Variants in TMEM123 observed in about 807,000 individuals in gnomAD.
The protein encoded by TMEM123 is porimin.
A neutral mutation model predicts 19.7 loss-of-function variants in TMEM123; 16 were observed. The observed-to-expected ratio is 0.81, with a 90% confidence interval of 0.55 to 1.23. TMEM123 has a LOEUF of 1.23. Ranked by LOEUF, TMEM123 falls within the 50% of genes most tolerant of loss-of-function variation. TMEM123 has a pLI of 0.00. For missense variants in TMEM123, 313 were observed against 257.8 expected (o/e 1.21, Z -1.47); for synonymous variants, 118 against 99.4 (o/e 1.19, Z -1.12).
intron 2 of TMEM123, among the ~76,000 whole-genome samples, chr11:102,416,604 T>C (rs1286336095): frequency 6.6e-6 from 1 of 151,920 alleles, no homozygotes; most frequent in African/African-American, 2.4e-5. Context: ...AAATATAAAA[T>C]TATTCCAAAA....
intron 2 of TMEM123, among the ~76,000 whole-genome samples, chr11:102,418,625 T>C (rs185199090): frequency 6.6e-6 from 1 of 152,200 alleles, no homozygotes; most frequent in Non-Finnish European, 1.5e-5. Flanking sequence ...GAACTTACAA[T>C]AGAACTACCA....
chr11:102,448,102 T>C, intron 2 of TMEM123: 1 of 393,074 alleles, frequency 2.5e-6, no homozygotes, highest in South Asian at 1.9e-5. Context: ...AGTCCATAAA[T>C]ATTCCCTGAC....
chr11:102,436,307 C>A (rs1001690340), intron 2 of TMEM123, among the ~76,000 whole-genome samples: 1 of 151,818 alleles, frequency 6.6e-6, no homozygotes. Flanking sequence ...GGACTACAGG[C>A]GTGCATCACC....
At chr11:102,406,921 G>C (rs902653511) in intron 2 of TMEM123, among the ~76,000 whole-genome samples, 1 of 151,962 alleles carries the variant, frequency 6.6e-6, no homozygotes, top group Non-Finnish European at 1.5e-5. Flanking sequence ...TTAGAGAGGG[G>C]GAGGTCACCA....
intron 2 of TMEM123, among the ~76,000 whole-genome samples, chr11:102,411,152 C>T (rs1237376151): frequency 1.3e-5 from 2 of 152,130 alleles, no homozygotes; most frequent in African/African-American, 4.8e-5. Context: ...ATGGGCTCCT[C>T]ACCAGAAATA....
intron 4 of TMEM123, among the ~76,000 whole-genome samples, chr11:102,400,013 AG>A (rs879714596): frequency 0.02 from 2,983 of 152,306 alleles, no homozygotes; most frequent in Non-Finnish European, 0.033. Context: ...TTTTTGTTTA[AG>A]TATTAGTAAT....
chr11:102,426,628 A>C (rs772896867), intron 2 of TMEM123, among the ~76,000 whole-genome samples: 25 of 152,098 alleles, frequency 1.6e-4, no homozygotes, highest in Non-Finnish European at 3.2e-4. Context: ...ATCTAAGAGC[A>C]ATTTCTTTAC....
At position 102,398,915 on chromosome 11, in the gene TMEM123, T is replaced by A. The variant is rs1335031241; in HGVS notation, c.603-24A>T. On this transcript the variant is annotated intron_variant, in intron 4 of 4. Coordinates refer to ENST00000398136, the MANE Select transcript of TMEM123 (RefSeq NM_052932.3). ...CTCTGTAATATATTAAAAGTTACAA[T>A]TACTTTGTTTTGTTTTTTCTGTCAA... The A allele has an allele frequency of 4.4e-6, 7 of 1,597,728 alleles. No individual in the cohort carries two copies. In the African/African-American group the frequency reaches 8.1e-5, roughly 18 times the overall value.
At chr11:102,437,046 CAAAT>C (rs1857770133) in intron 2 of TMEM123, among the ~76,000 whole-genome samples, 1 of 152,024 alleles carries the variant, frequency 6.6e-6, no homozygotes, top group Admixed American at 6.6e-5. Flanking sequence ...GGAAAAAAAC[CAAAT>C]ATTTTAAAAA....
Position 102,402,140 on chromosome 11 carries a change from G to A in TMEM123, c.224C>T (p.Thr75Ile). The A allele has an allele frequency of 6.2e-7, 1 of 1,614,178 alleles. No homozygotes were observed. Among genetic ancestry groups the A allele is most frequent in the Non-Finnish European group, 8.5e-7 (1 of 1,180,034 alleles). Residue 75 changes from threonine to isoleucine, a missense_variant, in exon 3 of 5, where the codon ACT (threonine) becomes ATT (isoleucine). Thr to Ile is a moderately conservative substitution (Grantham distance 89, BLOSUM62 -1). Coordinates refer to ENST00000398136, the MANE Select transcript of TMEM123 (RefSeq NM_052932.3). ...ETSNSTVKPP[T>I]SVASDSSNTT... is the part of the protein sequence containing the mutation. ...ATTACTGGAGTCTGAGGCAACTGAA[G>A]TTGGTGGTTTCACAGTACTGTTGGA...
intron 2 of TMEM123, among the ~76,000 whole-genome samples, chr11:102,424,059 TTGAC>T (rs1198122496): frequency 6.6e-6 from 1 of 152,198 alleles, no homozygotes; most frequent in Non-Finnish European, 1.5e-5. Flanking sequence ...GGTTTCCTAG[TTGAC>T]TGCTGATTAA....
chr11:102,445,489 C>G (rs1422504305), intron 2 of TMEM123, among the ~76,000 whole-genome samples: 1 of 152,192 alleles, frequency 6.6e-6, no homozygotes, highest in Non-Finnish European at 1.5e-5. Flanking sequence ...CTTACAAACT[C>G]ACAGAAAGTT....
At chr11:102,401,773 G>C in intron 3 of TMEM123, 81 bp from the exon 4 acceptor site, 3 of 1,488,830 alleles carry the variant, frequency 2.0e-6, no homozygotes, top group Non-Finnish European at 2.7e-6. Flanking sequence ...CTGATTTTCT[G>C]TGTTAAGAAC....
intron 2 of TMEM123, among the ~76,000 whole-genome samples, chr11:102,410,515 A>C (rs1951995831): frequency 6.6e-6 from 1 of 151,780 alleles, no homozygotes; most frequent in Non-Finnish European, 1.5e-5. Flanking sequence ...TAGTTACAAA[A>C]AAAAAAAAAA....
chr11:102,409,357 C>G (rs1284568358), intron 2 of TMEM123, among the ~76,000 whole-genome samples: 1 of 152,000 alleles, frequency 6.6e-6, no homozygotes, highest in African/African-American at 2.4e-5. Flanking sequence ...ACATGAAAAC[C>G]TTGAGAATCT....
Position 102,402,211 on chromosome 11 carries a change from A to G in TMEM123, c.158-5T>C. 1 of 1,611,476 alleles carries G rather than the reference A, an allele frequency of 6.2e-7. No homozygotes were observed. The highest frequency in any genetic ancestry group is 8.5e-7 in the Non-Finnish European group (1 of 1,178,244). ...AAGGCACATGTTGGAGAGTCTCTGC[A>G]ATAATATCAAGAAACATTAAAACCA... is the stretch of plus-strand genomic sequence containing the variant. On this transcript the variant is annotated splice_region_variant and splice_polypyrimidine_tract_variant and intron_variant, in intron 2 of 4. Transcript: ENST00000398136.
chr11:102,452,235 C>G (rs1321691486), intron 1 of TMEM123: 3 of 320,296 alleles, frequency 9.4e-6, no homozygotes, highest in Non-Finnish European at 1.1e-5. Context: ...TAAAAACCAA[C>G]TTGCGGTAAC....
Position 102,420,840 on chromosome 11 carries a change from G to C in TMEM123, c.158-18634C>G, listed in dbSNP as rs548077358. ...AGGCGGGTGGGTCACTTGAGGTCAGGAGTTCAAAACCAGCCTGGCCAACAT... is the reference window on the plus strand; with the variant it reads ...AGGCGGGTGGGTCACTTGAGGTCAGCAGTTCAAAACCAGCCTGGCCAACAT... On this transcript the variant is annotated intron_variant, in intron 2 of 4. Transcript: ENST00000398136. Among the ~76,000 whole-genome samples, 3 of 152,290 alleles carry C rather than the reference G, an allele frequency of 2.0e-5. No homozygotes were observed. In the South Asian group the frequency reaches 6.2e-4, roughly 32 times the overall value.
chr11:102,431,132 A>T lies in TMEM123; in HGVS notation c.157+17680T>A, dbSNP rs373115174. On this transcript the variant is annotated intron_variant, in intron 2 of 4. Coordinates refer to ENST00000398136, the MANE Select transcript of TMEM123 (RefSeq NM_052932.3). ...TAGGAAACTGTGCTTATGTCATTGGATTAAAAAAGAAAAACTAAAAATAGT... is the reference window on the plus strand; with the variant it reads ...TAGGAAACTGTGCTTATGTCATTGGTTTAAAAAAGAAAAACTAAAAATAGT... Among the ~76,000 whole-genome samples the T allele has an allele frequency of 3.9e-5, 6 of 152,326 alleles. No individual in the cohort carries two copies. In the South Asian group the frequency reaches 1.0e-3, roughly 26 times the overall value.
Sources: allele counts gnomAD v4.1 joint callset (sites outside exome capture counted in the v4.1 genomes callset), GRCh38; gene constraint gnomAD v4.1.1; transcripts MANE v1.5; gene names NCBI Gene and HGNC (gene_info 2026-07-23, HGNC 2026-07-21).